The following SLC39A8 variants were observed in gnomAD, a reference collection of about 807,000 sequenced individuals.
SLC39A8 encodes the protein metal cation symporter ZIP8.
Under a neutral mutation model 40.4 loss-of-function variants are expected in SLC39A8, and 15 were observed. The ratio of observed to expected loss-of-function variants is 0.37; its 90% CI spans 0.25 to 0.57. The LOEUF (loss-of-function observed/expected upper bound fraction) is 0.57. SLC39A8 is among the 20% of genes least tolerant of loss of function. The pLI is 0.75. For synonymous variants in SLC39A8, 223 were observed against 221.6 expected, an observed-to-expected ratio of 1.01 and a Z score of -0.06; for missense variants, 472 against 558.8, an observed-to-expected ratio of 0.84 and a Z score of 1.57.
At chr4:102,297,541 G>A (rs1733730215) in intron 6 of SLC39A8, among the ~76,000 whole-genome samples, 1 of 152,028 alleles carries the variant, frequency 6.6e-6, no homozygotes. Flanking sequence ...GGGAGTAGCA[G>A]ATTGAGGAAA....
intron 2 of SLC39A8, among the ~76,000 whole-genome samples, chr4:102,327,191 G>A (rs140375017): frequency 6.6e-6 from 1 of 152,076 alleles, no homozygotes; most frequent in Non-Finnish European, 1.5e-5. Context: ...AGCCCAGGAG[G>A]TCAAGGCTGC....
Position 102,267,684 on chromosome 4 carries a change from G to T in SLC39A8, c.1049-10C>A, listed in dbSNP as rs1193940695. The T allele has an allele frequency of 4.5e-6, 7 of 1,568,768 alleles. No individual in the cohort carries two copies. The Admixed American group carries it at 1.0e-4, about 23-fold the overall frequency. ...AGGATCACAAAGTCTCCTAGAAGAA[G>T]AAGAAGAAAATATCAAGTGAATAGT... On this transcript the variant is annotated splice_polypyrimidine_tract_variant and intron_variant, in intron 7 of 8. Coordinates refer to ENST00000356736, the MANE Select transcript of SLC39A8 (RefSeq NM_001135146.2).
chr4:102,257,314 C>A (rs1191485095), downstream of SLC39A8, among the ~76,000 whole-genome samples: 2 of 152,022 alleles, frequency 1.3e-5, no homozygotes, highest in African/African-American at 2.4e-5. Flanking sequence ...CCACCCCCAG[C>A]TAATTTATTT....
At chr4:102,293,796 G>A (rs540879383) in intron 6 of SLC39A8, among the ~76,000 whole-genome samples, 1 of 151,962 alleles carries the variant, frequency 6.6e-6, no homozygotes, top group Admixed American at 6.6e-5. Context: ...ATATTGATAT[G>A]GAAAAACAAA....
At position 102,317,818 on chromosome 4, in the gene SLC39A8, G is replaced by C. The variant is rs146941499; in HGVS notation, c.220-1988C>G. 9.6e-4 allele frequency among the ~76,000 whole-genome samples: 146 copies of C among 152,274 alleles called. 1 individual carries two copies. The highest frequency in any genetic ancestry group is 3.4e-3 in the African/African-American group (140 of 41,576). On this transcript the variant is annotated intron_variant, in intron 2 of 8. Transcript: ENST00000356736. ...AATCTCCAAAGACTTTTCAGAATTAGCATGCTAAGGCTCCCTAATACCTGA... is the reference window on the plus strand; with the variant it reads ...AATCTCCAAAGACTTTTCAGAATTACCATGCTAAGGCTCCCTAATACCTGA...
intron 6 of SLC39A8, among the ~76,000 whole-genome samples, chr4:102,288,119 C>A (rs1013170547): frequency 1.3e-5 from 2 of 152,048 alleles, no homozygotes; most frequent in African/African-American, 4.8e-5. Flanking sequence ...TTGTTGCAAC[C>A]CTGCATTGAG....
chr4:102,323,427 G>A (rs1027263106), intron 2 of SLC39A8, among the ~76,000 whole-genome samples: 8 of 152,224 alleles, frequency 5.3e-5, no homozygotes, highest in Admixed American at 1.3e-4. Flanking sequence ...CCTAGAGGAG[G>A]AGATACATGT....
At chr4:102,296,904 G>A (rs566434306) in intron 6 of SLC39A8, among the ~76,000 whole-genome samples, 13 of 152,196 alleles carry the variant, frequency 8.5e-5, no homozygotes, top group Non-Finnish European at 1.8e-4. Flanking sequence ...ACTCACTTAC[G>A]TGTTAAACTA....
chr4:102,314,824 CTTGT>C (rs1479683271), intron 3 of SLC39A8, among the ~76,000 whole-genome samples: 1 of 152,092 alleles, frequency 6.6e-6, no homozygotes, highest in Non-Finnish European at 1.5e-5. Context: ...TGTTTATTTG[CTTGT>C]TTAAATTTGC....
At chr4:102,315,137 C>T (rs144266866) in intron 3 of SLC39A8, among the ~76,000 whole-genome samples, 13 of 152,096 alleles carry the variant, frequency 8.5e-5, no homozygotes, top group Admixed American at 3.9e-4. Context: ...CAGATCATAC[C>T]GTTAAAGTAC....
At chr4:102,331,186 A>C (rs1266614013) in intron 2 of SLC39A8, among the ~76,000 whole-genome samples, 6 of 152,212 alleles carry the variant, frequency 3.9e-5, no homozygotes, top group Admixed American at 3.9e-4. Context: ...GCAATCAGGC[A>C]AGAGAAAGAA....
At chr4:102,310,159 T>C (rs1734366848) in intron 3 of SLC39A8, among the ~76,000 whole-genome samples, 3 of 151,896 alleles carry the variant, frequency 2.0e-5, no homozygotes, top group African/African-American at 7.3e-5. Flanking sequence ...GAGCTTTACC[T>C]TTACACTGTG....
At chr4:102,322,543 T>A (rs1735008596) in intron 2 of SLC39A8, among the ~76,000 whole-genome samples, 1 of 152,190 alleles carries the variant, frequency 6.6e-6, no homozygotes, top group South Asian at 2.1e-4. Context: ...CTTCCTGTTC[T>A]CCACACACAG....
Position 102,307,356 on chromosome 4 carries a change from A to G in SLC39A8, c.552+80T>C, listed in dbSNP as rs898746151. The G allele has an allele frequency of 1.1e-5, 17 of 1,498,870 alleles. No individual in the cohort carries two copies. The African/African-American group carries it at 1.8e-4, about 16-fold the overall frequency. 92.8% of individuals were successfully genotyped at this position (1,498,870 alleles called of 1,614,324 possible). ...TAGACCATAAAACGCTGTAAGAATT[A>G]TGGAGGCTAAAAACATACAAAGTGC... On this transcript the variant is annotated intron_variant, in intron 4 of 8. Transcript: ENST00000356736.
chr4:102,257,596 C>A (rs1391155487), downstream of SLC39A8, among the ~76,000 whole-genome samples: 1 of 152,120 alleles, frequency 6.6e-6, no homozygotes, highest in Admixed American at 6.5e-5. Context: ...TTGGCTATAC[C>A]CACTGAGGTC....
intron 6 of SLC39A8, among the ~76,000 whole-genome samples, chr4:102,301,107 T>C: frequency 6.6e-6 from 1 of 152,030 alleles, no homozygotes; most frequent in East Asian, 1.9e-4. Context: ...TCAGCTGCCT[T>C]CTTATTCCTG....
At chr4:102,309,171 G>A (rs188601120) in intron 3 of SLC39A8, among the ~76,000 whole-genome samples, 1 of 152,104 alleles carries the variant, frequency 6.6e-6, no homozygotes, top group Admixed American at 6.6e-5. Context: ...CTTAGTAAAT[G>A]TTCATTCAGC....
intron 2 of SLC39A8, among the ~76,000 whole-genome samples, chr4:102,342,728 G>A (rs1306397847): frequency 6.6e-6 from 1 of 152,172 alleles, no homozygotes; most frequent in Non-Finnish European, 1.5e-5. Context: ...AATAAACAGA[G>A]AATCGTATTA....
intron 2 of SLC39A8, among the ~76,000 whole-genome samples, chr4:102,334,964 C>T (rs1032062149): frequency 2.0e-5 from 3 of 152,108 alleles, no homozygotes; most frequent in Admixed American, 6.6e-5. Flanking sequence ...AGAAGTGCTC[C>T]GTAATTGTTA....
Sources: gnomAD v4.1 joint callset for allele counts (sites outside exome capture counted in the v4.1 genomes callset) on GRCh38, gnomAD v4.1.1 for gene constraint, MANE v1.5 for transcripts, NCBI Gene and HGNC (gene_info 2026-07-23, HGNC 2026-07-21) for gene names.